Variants in XPNPEP3 observed in about 807,000 individuals in gnomAD.
XPNPEP3 encodes the protein xaa-Pro aminopeptidase 3.
In XPNPEP3, 41 loss-of-function variants were observed where a neutral mutation model predicts 60.0. That is an observed-to-expected ratio of 0.68 (90% CI 0.53 to 0.89). XPNPEP3 has a LOEUF of 0.89. Ranked by LOEUF, XPNPEP3 falls within the 40% of genes least tolerant of loss-of-function variation. XPNPEP3 has a pLI of 0.00. For missense variants in XPNPEP3, 598 were observed against 638.9 expected, an observed-to-expected ratio of 0.94 and a Z score of 0.69; for synonymous variants, 212 against 223.2, an observed-to-expected ratio of 0.95 and a Z score of 0.45.
chr22:40,872,317 T>C (rs2058009203), intron 2 of XPNPEP3, among the ~76,000 whole-genome samples: 1 of 152,246 alleles, frequency 6.6e-6, no homozygotes, highest in African/African-American at 2.4e-5. Flanking sequence ...GTGCCATCTC[T>C]GTGCTAAGGT....
Position 40,930,342 on chromosome 22 carries a change from G to C in XPNPEP3, c.*3907G>C, listed in dbSNP as rs965931397. The C allele has an allele frequency of 1.3e-5, 2 of 151,954 alleles. No individual in the cohort carries two copies. The highest frequency in any genetic ancestry group is 2.9e-5 in the Non-Finnish European group (2 of 68,034). 9.4% of individuals were successfully genotyped at this position (151,954 alleles called of 1,614,324 possible). A position where few individuals can be genotyped will look rare whatever the true frequency, so the allele number is the denominator to read the frequency against. ...GATGGGGTTTTACTGTGTTAGCCAG[G>C]ATGGTCTCAATCTCCTGACCTCATA... On this transcript the variant is annotated 3_prime_UTR_variant, in exon 10 of 10. Transcript: ENST00000357137.
At position 40,931,659 on chromosome 22, in the gene XPNPEP3, A is replaced by G. The variant is rs2058255154; in HGVS notation, c.*5224A>G. ...AGCTTAGGAGGTCAAGGCTGCAGTG[A>G]GCCATGATTGTGCCACTTCACCCTG... On this transcript the variant is annotated 3_prime_UTR_variant, in exon 10 of 10. Coordinates refer to ENST00000357137, the MANE Select transcript of XPNPEP3 (RefSeq NM_022098.4). 1 of 152,194 alleles carries G rather than the reference A, an allele frequency of 6.6e-6. No individual in the cohort carries two copies. Among genetic ancestry groups the G allele is most frequent in the Admixed American group, 6.6e-5 (1 of 15,256 alleles). The allele number at this position is 152,194 out of a possible 1,614,324, so 9.4% of individuals were successfully genotyped here.
At chr22:40,898,514 A>C (rs2058118890) in intron 4 of XPNPEP3, among the ~76,000 whole-genome samples, 1 of 133,042 alleles carries the variant, frequency 7.5e-6, no homozygotes, top group South Asian at 2.1e-4. Flanking sequence ...CGGCCTCCCA[A>C]AGTGCTGGGA....
intron 2 of XPNPEP3, among the ~76,000 whole-genome samples, chr22:40,879,591 C>T (rs1027104635): frequency 1.6e-4 from 24 of 152,162 alleles, no homozygotes; most frequent in African/African-American, 5.8e-4. Context: ...CCTGTAATCC[C>T]AGCACTTTGG....
At chr22:40,924,596 T>G in intron 9 of XPNPEP3, 114 bp downstream of exon 9, 2 of 1,449,366 alleles carry the variant, frequency 1.4e-6, no homozygotes, top group Non-Finnish European at 1.9e-6. Flanking sequence ...TGATCTTCAC[T>G]CACTGCAACC....
intron 7 of XPNPEP3, among the ~76,000 whole-genome samples, chr22:40,920,789 C>A (rs906634647): frequency 1.3e-5 from 2 of 152,036 alleles, no homozygotes; most frequent in African/African-American, 4.8e-5. Flanking sequence ...TCATGCAGTT[C>A]TTTTTTTGTT....
intron 2 of XPNPEP3, among the ~76,000 whole-genome samples, chr22:40,880,028 CAA>C (rs963115248): frequency 1.1e-4 from 6 of 52,856 alleles, no homozygotes; most frequent in Admixed American, 2.2e-4. Context: ...CTCTGTCTCC[CAA>C]AAAAAAAAAA....
chr22:40,885,558 C>G (rs1480180460), intron 3 of XPNPEP3, among the ~76,000 whole-genome samples: 1 of 152,154 alleles, frequency 6.6e-6, no homozygotes, highest in East Asian at 1.9e-4. Flanking sequence ...GTACTGAGAT[C>G]ATTATGTGAA....
chr22:40,906,139 C>T lies in XPNPEP3; in HGVS notation c.793-1448C>T, dbSNP rs987388283. ...TTGTTTTTAGAGAGATAGTGTCTCACTATGTTGCCCAGGCTGGTCTCGAGC... is the reference window on the plus strand; with the variant it reads ...TTGTTTTTAGAGAGATAGTGTCTCATTATGTTGCCCAGGCTGGTCTCGAGC... On this transcript the variant is annotated intron_variant, in intron 4 of 9. Coordinates refer to ENST00000357137, the MANE Select transcript of XPNPEP3 (RefSeq NM_022098.4). Among the ~76,000 whole-genome samples, 29 of 152,198 alleles carry T rather than the reference C, an allele frequency of 1.9e-4. 1 individual carries two copies. Among genetic ancestry groups the T allele is most frequent in the Admixed American group, 1.8e-3 (28 of 15,274 alleles).
chr22:40,897,742 C>T (rs537382992), intron 4 of XPNPEP3, among the ~76,000 whole-genome samples: 58 of 152,180 alleles, frequency 3.8e-4, no homozygotes, highest in African/African-American at 1.3e-3. Context: ...TCTTGCCAAT[C>T]GATACTTGTT....
At chr22:40,857,875 T>C (rs955512578) in intron 1 of XPNPEP3, among the ~76,000 whole-genome samples, 1 of 152,242 alleles carries the variant, frequency 6.6e-6, no homozygotes, top group African/African-American at 2.4e-5. Context: ...TGGGTCAATA[T>C]ATGAACAATG....
In XPNPEP3 at chr22:40,926,825, A is replaced by G. The variant is rs142395135; in HGVS notation, c.*390A>G. ...CTATACTTTTGCTGAGATCAACCCA[A>G]TATCATAAGAAGTTTGTGTGATGCC... On this transcript the variant is annotated 3_prime_UTR_variant, in exon 10 of 10. Coordinates refer to ENST00000357137, the MANE Select transcript of XPNPEP3 (RefSeq NM_022098.4). 1.8e-3 allele frequency: 515 copies of G among 289,600 alleles called. No homozygotes were observed. The highest frequency in any genetic ancestry group is 0.011 in the African/African-American group (498 of 44,944). 17.9% of individuals were successfully genotyped at this position (289,600 alleles called of 1,614,324 possible).
intron 6 of XPNPEP3, 84 bp downstream of exon 6, chr22:40,909,319 C>T: frequency 3.8e-6 from 4 of 1,043,220 alleles, no homozygotes; most frequent in South Asian, 3.8e-5. Context: ...CTCTCACCTT[C>T]AGCTTTCACA....
At chr22:40,881,644 T>C (rs539511267) in intron 2 of XPNPEP3, 126 bp from the exon 3 acceptor site, 2 of 1,118,178 alleles carry the variant, frequency 1.8e-6, no homozygotes, top group Non-Finnish European at 2.6e-6. Flanking sequence ...TAATTCTCCA[T>C]GTGCTGTGAG....
At chr22:40,879,708 G>A (rs1169886268) in intron 2 of XPNPEP3, among the ~76,000 whole-genome samples, 1 of 152,136 alleles carries the variant, frequency 6.6e-6, no homozygotes, top group Non-Finnish European at 1.5e-5. Context: ...CAGGCCGTGT[G>A]GTACACACCT....
chr22:40,895,929 G>A (rs990610484), intron 4 of XPNPEP3, among the ~76,000 whole-genome samples: 2 of 152,182 alleles, frequency 1.3e-5, no homozygotes, highest in African/African-American at 4.8e-5. Flanking sequence ...ATTTGTGAAA[G>A]GTCTTGTGTT....
In XPNPEP3 at chr22:40,928,127, A is replaced by G. The variant is rs2058241667; in HGVS notation, c.*1692A>G. The G allele has an allele frequency of 6.6e-6, 1 of 150,958 alleles. No individual in the cohort carries two copies. Among genetic ancestry groups the G allele is most frequent in the Non-Finnish European group, 1.5e-5 (1 of 67,852 alleles). 9.4% of individuals were successfully genotyped at this position (150,958 alleles called of 1,614,324 possible). ...AAACAAAATATGGAATCTACCAAGT[A>G]CCCGTAAATATCCTATGATTCTTAT... On this transcript the variant is annotated 3_prime_UTR_variant, in exon 10 of 10. Coordinates refer to ENST00000357137, the MANE Select transcript of XPNPEP3 (RefSeq NM_022098.4).
intron 4 of XPNPEP3, among the ~76,000 whole-genome samples, chr22:40,897,530 T>C (rs2058113678): frequency 6.7e-6 from 1 of 149,814 alleles, no homozygotes; most frequent in South Asian, 2.1e-4. Flanking sequence ...TGAGACAGAG[T>C]CTCCATTTGT....
rs572177301 is a variant in XPNPEP3, at chr22:40,929,484, C to T, written c.*3049C>T. 6.6e-6 allele frequency: 1 copy of T among 152,282 alleles called. No homozygotes were observed. Among genetic ancestry groups the T allele is most frequent in the East Asian group, 1.9e-4 (1 of 5,188 alleles). The allele number at this position is 152,282 out of a possible 1,614,324, so 9.4% of individuals were successfully genotyped here. On this transcript the variant is annotated 3_prime_UTR_variant, in exon 10 of 10. Coordinates refer to ENST00000357137, the MANE Select transcript of XPNPEP3 (RefSeq NM_022098.4). ...GCGATTACAGACGTGAGCCACCGCA[C>T]CTCCTGTATCATTTTCTATGGTCTA...
Sources: gnomAD v4.1 joint callset for allele counts (sites outside exome capture counted in the v4.1 genomes callset) on GRCh38, gnomAD v4.1.1 for gene constraint, MANE v1.5 for transcripts, NCBI Gene and HGNC (gene_info 2026-07-23, HGNC 2026-07-21) for gene names.